RAB31: variants seen among roughly 807,000 people sequenced by gnomAD.
RAB31 encodes ras-related protein Rab-31.
A neutral mutation model predicts 25.6 loss-of-function variants in RAB31; 21 were observed. The ratio of observed to expected loss-of-function variants is 0.82; its 90% CI spans 0.58 to 1.18. The LOEUF is 1.18. RAB31 is among the 50% of genes most tolerant of loss of function. RAB31 has a pLI of 0.00. For missense variants in RAB31, 196 were observed against 250.1 expected, an observed-to-expected ratio of 0.78 and a Z score of 1.46; for synonymous variants, 87 against 84.0, an observed-to-expected ratio of 1.04 and a Z score of -0.20.
At chr18:9,721,722 G>A (rs1006341940) in intron 1 of RAB31, among the ~76,000 whole-genome samples, 87 of 152,134 alleles carry the variant, frequency 5.7e-4, no homozygotes, top group Admixed American at 5.7e-3. Context: ...CAGTTTCTAG[G>A]GGTTGGGGGA....
chr18:9,781,870 T>C (rs2068406489), intron 2 of RAB31, among the ~76,000 whole-genome samples: 1 of 152,242 alleles, frequency 6.6e-6, no homozygotes, highest in Non-Finnish European at 1.5e-5. Flanking sequence ...GTTTGAGTGC[T>C]TTCCCAAAAG....
At chr18:9,847,848 A>G (rs2068769406) in intron 6 of RAB31, among the ~76,000 whole-genome samples, 1 of 152,204 alleles carries the variant, frequency 6.6e-6, no homozygotes, top group Admixed American at 6.5e-5. Context: ...TGCCAGGATT[A>G]CAGGTGTGAG....
intron 6 of RAB31, chr18:9,849,739 C>G (rs530542554): frequency 6.6e-6 from 1 of 152,292 alleles, no homozygotes; most frequent in South Asian, 2.1e-4. Flanking sequence ...ACCTGAAAAA[C>G]GAGAAAAGGC....
chr18:9,733,598 C>G (rs775136653), intron 1 of RAB31, among the ~76,000 whole-genome samples: 1 of 152,190 alleles, frequency 6.6e-6, no homozygotes, highest in African/African-American at 2.4e-5. Context: ...ATCCAAACTC[C>G]AAGCCTCATT....
chr18:9,761,633 C>G (rs948737152), intron 1 of RAB31, among the ~76,000 whole-genome samples: 118 of 152,122 alleles, frequency 7.8e-4, no homozygotes, highest in Non-Finnish European at 2.2e-4. Context: ...CTTTCAGGCT[C>G]CCTTGGTGGT....
intron 1 of RAB31, among the ~76,000 whole-genome samples, chr18:9,727,033 T>C (rs1219538061): frequency 2.0e-5 from 3 of 152,220 alleles, no homozygotes; most frequent in Non-Finnish European, 1.5e-5. Flanking sequence ...TAGGTACTTA[T>C]ACTAAGATGG....
At chr18:9,834,069 A>C (rs1218425648) in intron 5 of RAB31, among the ~76,000 whole-genome samples, 1 of 152,224 alleles carries the variant, frequency 6.6e-6, no homozygotes, top group African/African-American at 2.4e-5. Flanking sequence ...CACATTGAAC[A>C]AATTATATAG....
chr18:9,791,541 G>A (rs2068460017), intron 2 of RAB31, among the ~76,000 whole-genome samples: 1 of 151,526 alleles, frequency 6.6e-6, no homozygotes, highest in African/African-American at 2.4e-5. Flanking sequence ...GGGACTACAG[G>A]CACCCGCCAC....
chr18:9,764,377 G>A (rs913337225), intron 1 of RAB31, among the ~76,000 whole-genome samples: 5 of 152,200 alleles, frequency 3.3e-5, no homozygotes, highest in South Asian at 2.1e-4. Context: ...GCATTTGTGC[G>A]TGCCTCCTGG....
intron 1 of RAB31, among the ~76,000 whole-genome samples, chr18:9,743,331 A>T (rs186883927): frequency 1.6e-4 from 24 of 152,358 alleles, no homozygotes; most frequent in African/African-American, 5.5e-4. Context: ...AAATAAACAG[A>T]TAGTGTAATA....
chr18:9,855,167 G>A (rs563812878), intron 6 of RAB31, among the ~76,000 whole-genome samples: 1 of 152,114 alleles, frequency 6.6e-6, no homozygotes, highest in Non-Finnish European at 1.5e-5. Context: ...CTAGGAATTT[G>A]TTTTCACATA....
intron 2 of RAB31, among the ~76,000 whole-genome samples, chr18:9,775,954 A>T (rs764242199): frequency 2.0e-5 from 3 of 151,650 alleles, no homozygotes; most frequent in African/African-American, 7.3e-5. Flanking sequence ...ATGCCTGGCT[A>T]TTTTTTTGTA....
chr18:9,814,933 G>A, intron 4 of RAB31, 183 bp from the exon 5 acceptor site: 1 of 448,484 alleles, frequency 2.2e-6, no homozygotes, highest in South Asian at 3.3e-5. Flanking sequence ...AACTTGATAT[G>A]GTCTATTTAA....
At chr18:9,840,379 G>GA (rs111832455) in intron 5 of RAB31, among the ~76,000 whole-genome samples, 53 of 152,052 alleles carry the variant, frequency 3.5e-4, no homozygotes, top group African/African-American at 1.2e-3. Flanking sequence ...TACACTTGTT[G>GA]AAAAAAAATA....
At chr18:9,774,382 A>G (rs2068361286) in intron 1 of RAB31, among the ~76,000 whole-genome samples, 1 of 152,098 alleles carries the variant, frequency 6.6e-6, no homozygotes, top group African/African-American at 2.4e-5. Flanking sequence ...CTCCAAGGGT[A>G]TGTTGTTGTG....
chr18:9,835,688 T>C (rs577564730), intron 5 of RAB31, among the ~76,000 whole-genome samples: 1 of 152,362 alleles, frequency 6.6e-6, no homozygotes, highest in Admixed American at 6.5e-5. Context: ...TGTGTTATTG[T>C]CTCAGATATT....
intron 5 of RAB31, among the ~76,000 whole-genome samples, chr18:9,839,588 C>T (rs1296558446): frequency 6.6e-6 from 1 of 152,124 alleles, no homozygotes. Context: ...TATCACAGAG[C>T]ATTGAGGTTT....
At chr18:9,776,106 C>A (rs1820479253) in intron 2 of RAB31, among the ~76,000 whole-genome samples, 1 of 152,172 alleles carries the variant, frequency 6.6e-6, no homozygotes, top group South Asian at 2.1e-4. Context: ...CTGGAATTAT[C>A]TAATGCCAGC....
rs745444978 is a variant in RAB31, at chr18:9,859,345, G to A, written c.*20G>A. On this transcript the variant is annotated 3_prime_UTR_variant, in exon 7 of 7. Transcript: ENST00000578921. ...TGTTGACCCAAGGGCCGTGGTCCAC[G>A]GTACTTGAAGAAGCCAGAGCCCACA... The A allele has an allele frequency of 3.8e-6, 6 of 1,588,628 alleles. No homozygotes were observed. In the Admixed American group the frequency reaches 1.0e-4, roughly 27 times the overall value.
Sources: gnomAD v4.1 joint callset for allele counts (sites outside exome capture counted in the v4.1 genomes callset) on GRCh38, gnomAD v4.1.1 for gene constraint, MANE v1.5 for transcripts, NCBI Gene and HGNC (gene_info 2026-07-23, HGNC 2026-07-21) for gene names.